The following RSRC1 variants were observed in gnomAD, a reference collection of about 807,000 sequenced individuals.
The protein encoded by RSRC1 is serine/Arginine-related protein 53.
RSRC1 carries 39 observed loss-of-function variants against 49.1 expected under a neutral mutation model. That is an observed-to-expected ratio of 0.79 (90% CI 0.61 to 1.04). RSRC1 has a LOEUF of 1.04. Ranked by LOEUF, RSRC1 falls within the 50% of genes least tolerant of loss-of-function variation. The probability of loss-of-function intolerance (pLI) is 0.00; values close to 1 mark genes in which losing one functional copy is unlikely to be tolerated. For missense variants in RSRC1, 388 were observed against 402.4 expected (o/e 0.96, Z 0.31); for synonymous variants, 143 against 130.8 (o/e 1.09, Z -0.63).
intron 3 of RSRC1, among the ~76,000 whole-genome samples, chr3:158,178,845 A>G (rs1719419224): frequency 6.6e-6 from 1 of 152,178 alleles, no homozygotes; most frequent in Non-Finnish European, 1.5e-5. Flanking sequence ...GTATTTCTAT[A>G]AAATTAGGTT....
Position 158,284,606 on chromosome 3 carries a change from C to T in RSRC1, c.495-13433C>T, listed in dbSNP as rs540212589. ...CATTCTAACTGGTGTGAGATGGTAT[C>T]TCATTGTGGTTTTGATTTGCATTTC... On this transcript the variant is annotated intron_variant, in intron 4 of 9. Coordinates refer to ENST00000611884, the MANE Select transcript of RSRC1 (RefSeq NM_001271838.2). 1.1e-3 allele frequency among the ~76,000 whole-genome samples: 162 copies of T among 145,154 alleles called. 2 individuals are homozygous for T. Among genetic ancestry groups the T allele is most frequent in the African/African-American group, 4.1e-3 (157 of 38,646 alleles).
intron 5 of RSRC1, among the ~76,000 whole-genome samples, chr3:158,330,350 A>G (rs1057316299): frequency 2.0e-5 from 3 of 152,180 alleles, no homozygotes; most frequent in Non-Finnish European, 4.4e-5. Flanking sequence ...AGCTGTTCCT[A>G]TTCAGCCATC....
chr3:158,427,827 C>A (rs1735540468), intron 6 of RSRC1, among the ~76,000 whole-genome samples: 1 of 151,746 alleles, frequency 6.6e-6, no homozygotes, highest in African/African-American at 2.4e-5. Context: ...TTTGTCCAGG[C>A]AGTATAACAT....
At chr3:158,441,414 G>A (rs1445404970) in intron 6 of RSRC1, among the ~76,000 whole-genome samples, 1 of 151,584 alleles carries the variant, frequency 6.6e-6, no homozygotes, top group African/African-American at 2.4e-5. Context: ...ACAAAAGAAA[G>A]AACCAAACAC....
chr3:158,130,506 G>A (rs536376561), intron 3 of RSRC1, among the ~76,000 whole-genome samples: 1 of 152,008 alleles, frequency 6.6e-6, no homozygotes, highest in Non-Finnish European at 1.5e-5. Flanking sequence ...TTCAGATTTT[G>A]TAATATTTAC....
intron 3 of RSRC1, among the ~76,000 whole-genome samples, chr3:158,159,071 C>T (rs2108222561): frequency 6.6e-6 from 1 of 152,248 alleles, no homozygotes; most frequent in South Asian, 2.1e-4. Context: ...GGAGTAACTG[C>T]CCAGAGACCC....
intron 6 of RSRC1, among the ~76,000 whole-genome samples, chr3:158,384,371 GCTAA>G (rs1370446427): frequency 6.6e-6 from 1 of 152,136 alleles, no homozygotes; most frequent in African/African-American, 2.4e-5. Flanking sequence ...CCAGTATTAA[GCTAA>G]CTAACTATAG....
chr3:158,232,173 C>T (rs1723004050), intron 4 of RSRC1, among the ~76,000 whole-genome samples: 1 of 151,882 alleles, frequency 6.6e-6, no homozygotes, highest in South Asian at 2.1e-4. Context: ...ATATGTTTTG[C>T]TAAATTCTTA....
Position 158,278,878 on chromosome 3 carries a change from A to G in RSRC1, c.495-19161A>G, listed in dbSNP as rs995703842. 5.3e-5 allele frequency among the ~76,000 whole-genome samples: 8 copies of G among 152,066 alleles called. No homozygotes were observed. The South Asian group carries it at 6.2e-4, about 12-fold the overall frequency. On this transcript the variant is annotated intron_variant, in intron 4 of 9. Transcript: ENST00000611884. ...TTTAAATGTTCTATTTTTTTGGACT[A>G]TTGCTTTCCTGTGAGTTGGAAATAC...
chr3:158,277,346 G>A (rs945028064), intron 4 of RSRC1, among the ~76,000 whole-genome samples: 3 of 152,148 alleles, frequency 2.0e-5, no homozygotes, highest in African/African-American at 7.2e-5. Context: ...GATAGGTATT[G>A]CCAAATTTGA....
chr3:158,361,111 C>T (rs1421456988), intron 6 of RSRC1, among the ~76,000 whole-genome samples: 1 of 152,156 alleles, frequency 6.6e-6, no homozygotes, highest in Admixed American at 6.5e-5. Flanking sequence ...GTGCCTAGGG[C>T]ACCTCTCGGA....
intron 4 of RSRC1, among the ~76,000 whole-genome samples, chr3:158,232,533 T>C (rs1404348565): frequency 6.6e-6 from 1 of 152,152 alleles, no homozygotes. Flanking sequence ...ACTATACGCT[T>C]TCTATAAACA....
At chr3:158,301,195 AT>A (rs1727528948) in intron 5 of RSRC1, among the ~76,000 whole-genome samples, 1 of 151,758 alleles carries the variant, frequency 6.6e-6, no homozygotes, top group Admixed American at 6.6e-5. Context: ...ATACCATCTT[AT>A]TTTTCTTTTC....
At chr3:158,423,641 G>A (rs1291572558) in intron 6 of RSRC1, among the ~76,000 whole-genome samples, 1 of 152,196 alleles carries the variant, frequency 6.6e-6, no homozygotes, top group South Asian at 2.1e-4. Context: ...GATGGGGATG[G>A]CATTGAATCT....
intron 3 of RSRC1, among the ~76,000 whole-genome samples, chr3:158,127,046 C>T (rs1715672903): frequency 6.6e-6 from 1 of 152,102 alleles, no homozygotes; most frequent in South Asian, 2.1e-4. Context: ...TTGCTGCTTT[C>T]AAGATTCTCT....
At chr3:158,342,384 T>C (rs1197454493) in intron 5 of RSRC1, among the ~76,000 whole-genome samples, 2 of 152,184 alleles carry the variant, frequency 1.3e-5, no homozygotes, top group Non-Finnish European at 1.5e-5. Flanking sequence ...ATTCTCGTGA[T>C]AGTGAATAAG....
intron 4 of RSRC1, among the ~76,000 whole-genome samples, chr3:158,287,034 G>A (rs971762282): frequency 1.3e-5 from 2 of 152,130 alleles, no homozygotes; most frequent in Non-Finnish European, 2.9e-5. Context: ...CACTGTGTTA[G>A]CCAGGATGGT....
At chr3:158,523,366 C>T (rs1309421765) in intron 7 of RSRC1, among the ~76,000 whole-genome samples, 3 of 151,964 alleles carry the variant, frequency 2.0e-5, no homozygotes, top group Non-Finnish European at 1.5e-5. Flanking sequence ...AGTTAGATGT[C>T]TATACTCCCT....
chr3:158,298,685 T>G (rs1375805448), intron 5 of RSRC1, among the ~76,000 whole-genome samples: 1 of 152,140 alleles, frequency 6.6e-6, no homozygotes, highest in Non-Finnish European at 1.5e-5. Context: ...GTAATATGTT[T>G]GAAATTCATT....
Sources: allele counts gnomAD v4.1 joint callset (sites outside exome capture counted in the v4.1 genomes callset), GRCh38; gene constraint gnomAD v4.1.1; transcripts MANE v1.5; gene names NCBI Gene and HGNC (gene_info 2026-07-23, HGNC 2026-07-21).